DDX1: variants seen among roughly 807,000 people sequenced by gnomAD.
DDX1 encodes the protein ATP-dependent RNA helicase DDX1.
In DDX1, 28 loss-of-function variants were observed where a neutral mutation model predicts 108.7. That is an observed-to-expected ratio of 0.26 (90% CI 0.19 to 0.35). The LOEUF (loss-of-function observed/expected upper bound fraction) is 0.35, where lower values mean the gene tolerates loss of function less well. Among genes scored for constraint, DDX1 ranks in the 10% least tolerant of loss-of-function variants. The pLI, the probability that DDX1 is intolerant of heterozygous loss-of-function variation, is 1.00. For missense variants in DDX1, 710 were observed against 884.5 expected (o/e 0.80, Z 2.50); for synonymous variants, 295 against 288.9 (o/e 1.02, Z -0.21).
chr2:15,622,499 G>C (rs181205421), intron 18 of DDX1, among the ~76,000 whole-genome samples: 4 of 152,332 alleles, frequency 2.6e-5, no homozygotes, highest in Admixed American at 1.3e-4. Context: ...CTGCATGTCT[G>C]ACATGAGATG....
chr2:15,613,117 C>T, intron 13 of DDX1, 107 bp from the exon 14 acceptor site: 2 of 754,426 alleles, frequency 2.7e-6, no homozygotes. Context: ...TCCTCAATTA[C>T]TTTCTCAACC....
At chr2:15,597,911 C>A (rs1665526800) in intron 5 of DDX1, among the ~76,000 whole-genome samples, 1 of 151,806 alleles carries the variant, frequency 6.6e-6, no homozygotes, top group South Asian at 2.1e-4. Context: ...AAGGGAACCA[C>A]CTAGGAAGTT....
At chr2:15,616,162 C>T (rs1310389761) in intron 14 of DDX1, among the ~76,000 whole-genome samples, 1 of 152,114 alleles carries the variant, frequency 6.6e-6, no homozygotes, top group African/African-American at 2.4e-5. Context: ...ATCTGCCTGC[C>T]TCGGCCTCCC....
In DDX1 at chr2:15,630,056, C is replaced by G; in HGVS notation, c.2038C>G (p.Pro680Ala). 1 of 1,612,942 alleles carries G rather than the reference C, an allele frequency of 6.2e-7. No individual in the cohort carries two copies. The highest frequency in any genetic ancestry group is 8.5e-7 in the Non-Finnish European group (1 of 1,179,234). ...ISQVEPDIKVPVDEFDGKVTY... is the reference protein window; with the variant it reads ...ISQVEPDIKVAVDEFDGKVTY... ...TCAGGTTGAGCCGGATATAAAGGTA[C>G]CAGTGGATGAATTTGATGGGAAAGT... Residue 680 changes from proline (P) to alanine (A), a missense_variant, in exon 25 of 26, where the codon CCA becomes GCA. Pro to Ala is a conservative substitution (Grantham distance 27). This residue lies in a region of DDX1 where 661 missense variants were observed against 810.2 expected (regional missense o/e 0.82). Coordinates refer to ENST00000233084, the MANE Select transcript of DDX1 (RefSeq NM_004939.3).
chr2:15,620,125 CT>C, intron 16 of DDX1, 82 bp from the exon 17 acceptor site: 1 of 1,258,192 alleles, frequency 7.9e-7, no homozygotes, highest in Non-Finnish European at 1.1e-6. Flanking sequence ...GGCTAGCACA[CT>C]TTGTGTTTCA....
At chr2:15,625,669 G>A (rs1424101141) in intron 19 of DDX1, among the ~76,000 whole-genome samples, 2 of 152,036 alleles carry the variant, frequency 1.3e-5, no homozygotes, top group Non-Finnish European at 2.9e-5. Flanking sequence ...GTGTTGCTAC[G>A]TGTTTGAAAA....
chr2:15,629,728 G>A (rs1232276221), intron 24 of DDX1, 31 bp downstream of exon 24: 4 of 1,445,436 alleles, frequency 2.8e-6, no homozygotes, highest in Non-Finnish European at 3.7e-6. Context: ...CACAAATAAT[G>A]TATTAAAATG....
At chr2:15,610,015 G>A (rs1307998098) in intron 13 of DDX1, among the ~76,000 whole-genome samples, 2 of 152,162 alleles carry the variant, frequency 1.3e-5, no homozygotes, top group Non-Finnish European at 2.9e-5. Context: ...GCTCACTGCA[G>A]TCTCAAACTC....
chr2:15,624,157 T>C (rs1003046343), intron 19 of DDX1, among the ~76,000 whole-genome samples: 2 of 151,872 alleles, frequency 1.3e-5, no homozygotes, highest in South Asian at 2.1e-4. Context: ...TCTGAGGACA[T>C]AGAAAGATGG....
chr2:15,595,295 G>A (rs2302928), intron 2 of DDX1, 99 bp downstream of exon 2: 262,960 of 1,119,934 alleles, frequency 0.23, 32,532 homozygotes, highest in Admixed American at 0.28. Context: ...AGTTGGGTAA[G>A]TGAAAATCAG....
intron 13 of DDX1, among the ~76,000 whole-genome samples, chr2:15,611,651 C>G (rs1665763051): frequency 8.7e-6 from 1 of 115,482 alleles, no homozygotes; most frequent in Non-Finnish European, 1.7e-5. Flanking sequence ...GCAGAGGCAC[C>G]CCCCACCTCC....
intron 13 of DDX1, among the ~76,000 whole-genome samples, chr2:15,611,173 A>C (rs1282455249): frequency 6.7e-6 from 1 of 149,004 alleles, no homozygotes; most frequent in Non-Finnish European, 1.5e-5. Context: ...TGGACACAGC[A>C]CATGTTTCAG....
intron 25 of DDX1, 71 bp downstream of exon 25, chr2:15,630,181 G>A: frequency 2.0e-6 from 3 of 1,475,040 alleles, no homozygotes; most frequent in East Asian, 4.6e-5. Flanking sequence ...GTTTGGGAAG[G>A]CAGTACTTTC....
intron 18 of DDX1, among the ~76,000 whole-genome samples, chr2:15,621,657 T>G (rs932442107): frequency 2.3e-4 from 35 of 151,878 alleles, no homozygotes; most frequent in Non-Finnish European, 1.9e-4. Flanking sequence ...CACTTTTTTT[T>G]TTTTTGTTTT....
Position 15,597,372 on chromosome 2 carries a change from T to C in DDX1, c.163-3T>C, listed in dbSNP as rs768175954. ...ATATAGATACCTTTTGTTTCTTTGA[T>C]AGGCTTTTAGTATTCCAGTTATCCA... is the stretch of plus-strand genomic sequence containing the variant. On this transcript the variant is annotated splice_polypyrimidine_tract_variant and splice_region_variant and intron_variant, in intron 4 of 25. Transcript: ENST00000233084. 2 of 1,571,736 alleles carry C rather than the reference T, an allele frequency of 1.3e-6. No individual in the cohort carries two copies. Among genetic ancestry groups the C allele is most frequent in the Non-Finnish European group, 1.7e-6 (2 of 1,155,744 alleles).
At chr2:15,622,386 CTTT>C (rs1178948264) in intron 18 of DDX1, among the ~76,000 whole-genome samples, 1 of 152,142 alleles carries the variant, frequency 6.6e-6, no homozygotes, top group Non-Finnish European at 1.5e-5. Context: ...AGCTGAGACT[CTTT>C]GTTTCAGGTT....
At chr2:15,601,141 T>C (rs1665583492) in intron 6 of DDX1, among the ~76,000 whole-genome samples, 1 of 152,184 alleles carries the variant, frequency 6.6e-6, no homozygotes, top group African/African-American at 2.4e-5. Flanking sequence ...CTGTATACTC[T>C]CTCAGCATGC....
chr2:15,603,945 TAATCACTCATGACA>T lies in DDX1; in HGVS notation c.552+56_552+69del, dbSNP rs1056498283. 14 of 1,129,762 alleles carry T rather than the reference TAATCACTCATGACA, an allele frequency of 1.2e-5. No homozygotes were observed. In the Admixed American group the frequency reaches 1.7e-4, roughly 14 times the overall value. The allele number at this position is 1,129,762 out of a possible 1,614,324, so 70.0% of individuals were successfully genotyped here. Reference sequence around the variant, plus strand: ...GCATAAGTAAGTTTTCTTGCATACTTAATCACTCATGACAGAATGAGGGTATACAAATGATTCTC... The same window carrying T: ...GCATAAGTAAGTTTTCTTGCATACTTGAATGAGGGTATACAAATGATTCTC... On this transcript the variant is annotated intron_variant, in intron 9 of 25. Transcript: ENST00000233084.
intron 7 of DDX1, 91 bp downstream of exon 7, chr2:15,602,722 A>G: frequency 9.6e-7 from 1 of 1,043,682 alleles, no homozygotes; most frequent in Non-Finnish European, 1.5e-6. Context: ...TGTTTTTGAG[A>G]TGGAGTCTCG....
Sources: gnomAD v4.1 joint callset for allele counts (sites outside exome capture counted in the v4.1 genomes callset) on GRCh38, gnomAD v4.1.1 for gene constraint, gnomAD v4.1.1 regional missense constraint, MANE v1.5 for transcripts, NCBI Gene and HGNC (gene_info 2026-07-23, HGNC 2026-07-21) for gene names.